AIG1: variants seen among roughly 807,000 people sequenced by gnomAD.
The protein encoded by AIG1 is androgen induced 1.
Under a neutral mutation model 31.4 loss-of-function variants are expected in AIG1, and 23 were observed. The ratio of observed to expected loss-of-function variants is 0.73; its 90% CI spans 0.53 to 1.04. The LOEUF (loss-of-function observed/expected upper bound fraction) is 1.04, where lower values mean the gene tolerates loss of function less well. Ranked by LOEUF, AIG1 falls within the 50% of genes least tolerant of loss-of-function variation. The probability of loss-of-function intolerance (pLI) is 0.00; values close to 1 mark genes in which losing one functional copy is unlikely to be tolerated. For missense variants in AIG1, 274 were observed against 295.0 expected, an observed-to-expected ratio of 0.93 and a Z score of 0.52; for synonymous variants, 100 against 110.5, an observed-to-expected ratio of 0.90 and a Z score of 0.60.
chr6:143,116,151 G>C (rs994635615), intron 1 of AIG1, among the ~76,000 whole-genome samples: 2 of 152,184 alleles, frequency 1.3e-5, no homozygotes, highest in Non-Finnish European at 2.9e-5. Context: ...GTTCCCGTAA[G>C]ACATGCACTG....
chr6:143,291,704 A>AC lies in AIG1; in HGVS notation c.515+7485dup, dbSNP rs1455227633. On this transcript the variant is annotated intron_variant, in intron 4 of 5. Transcript: ENST00000357847. The surrounding 1 kb of genome is among the most constrained non-coding windows in gnomAD (Gnocchi z 4.2). ...TAGAGTGCATGGAATAAATAAGTAAACCCCCCTCCCATTCAGGGTTCCAGC... is the reference window on the plus strand; with the variant it reads ...TAGAGTGCATGGAATAAATAAGTAAACCCCCCCTCCCATTCAGGGTTCCAGC... Among the ~76,000 whole-genome samples the AC allele has an allele frequency of 6.6e-6, 1 of 151,596 alleles. No homozygotes were observed. The highest frequency in any genetic ancestry group is 1.9e-4 in the East Asian group (1 of 5,162).
intron 1 of AIG1, among the ~76,000 whole-genome samples, chr6:143,091,852 G>C (rs1262499950): frequency 6.6e-6 from 1 of 152,092 alleles, no homozygotes; most frequent in African/African-American, 2.4e-5. Flanking sequence ...ATGTACTATT[G>C]CTTCTCTTTG....
intron 1 of AIG1, among the ~76,000 whole-genome samples, chr6:143,134,804 TACA>T (rs1440472298): frequency 1.3e-5 from 2 of 152,134 alleles, no homozygotes; most frequent in Admixed American, 6.6e-5. Context: ...TTTAATAAGT[TACA>T]TGATATTTTC....
At position 143,291,900 on chromosome 6, in the gene AIG1, T is replaced by C. The variant is rs1414687193; in HGVS notation, c.515+7675T>C. 6.6e-6 allele frequency among the ~76,000 whole-genome samples: 1 copy of C among 152,172 alleles called. No individual in the cohort carries two copies. The highest frequency in any genetic ancestry group is 6.5e-5 in the Admixed American group (1 of 15,282). On this transcript the variant is annotated intron_variant, in intron 4 of 5. Coordinates refer to ENST00000357847, the MANE Select transcript of AIG1 (RefSeq NM_016108.4). This position sits in a 1 kb window ranked among gnomAD's most constrained non-coding sequence, Gnocchi z 4.2. ...GGAAGGTTTGGACAGAGACTTGACA[T>C]GAACTGAGACATTTCTAAGGAATCA... is the stretch of plus-strand genomic sequence containing the variant.
chr6:143,243,866 C>G (rs1048476407), intron 3 of AIG1, among the ~76,000 whole-genome samples: 1 of 152,146 alleles, frequency 6.6e-6, no homozygotes, highest in African/African-American at 2.4e-5. Context: ...TACCTCATCT[C>G]CCCTCCTGCT....
intron 3 of AIG1, chr6:143,188,101 G>A (rs987391442): frequency 5.0e-6 from 5 of 1,007,492 alleles, no homozygotes; most frequent in South Asian, 4.2e-5. Flanking sequence ...ATGGAGAGAC[G>A]GGAGTTTAAA....
chr6:143,318,397 C>A (rs1775940004), intron 4 of AIG1, among the ~76,000 whole-genome samples: 1 of 151,950 alleles, frequency 6.6e-6, no homozygotes, highest in Non-Finnish European at 1.5e-5. Context: ...CACTCTATTC[C>A]ACAAATGGTG....
chr6:143,085,013 G>C (rs1013206454), intron 1 of AIG1, among the ~76,000 whole-genome samples: 2 of 152,146 alleles, frequency 1.3e-5, no homozygotes, highest in Non-Finnish European at 2.9e-5. Context: ...TCTCTCATTT[G>C]GGGTTAGTGT....
At chr6:143,290,514 TGGAAAG>T (rs1439865896) in intron 4 of AIG1, among the ~76,000 whole-genome samples, 1 of 152,196 alleles carries the variant, frequency 6.6e-6, no homozygotes, top group Non-Finnish European at 1.5e-5. Flanking sequence ...TGAATGCTCC[TGGAAAG>T]TCATATAACA....
intron 3 of AIG1, among the ~76,000 whole-genome samples, chr6:143,179,382 C>T (rs1217085239): frequency 1.3e-5 from 2 of 152,296 alleles, no homozygotes; most frequent in South Asian, 2.1e-4. Flanking sequence ...TGAAGAGTCT[C>T]TACATAGTTT....
At position 143,105,249 on chromosome 6, in the gene AIG1, C is replaced by T. The variant is rs1018119041; in HGVS notation, c.142-31586C>T. ...TGAGAGAACGTACATTACACCACCA[C>T]GGCCAGATACACTGAAACAGCCTTG... On this transcript the variant is annotated intron_variant, in intron 1 of 5. Transcript: ENST00000357847. 4.7e-4 allele frequency among the ~76,000 whole-genome samples: 72 copies of T among 152,244 alleles called. 1 individual carries two copies. Among genetic ancestry groups the T allele is most frequent in the African/African-American group, 1.6e-3 (66 of 41,536 alleles).
chr6:143,205,246 A>G (rs1430503626), intron 3 of AIG1, among the ~76,000 whole-genome samples: 1 of 152,198 alleles, frequency 6.6e-6, no homozygotes, highest in Admixed American at 6.5e-5. Context: ...GTAGCAAAAC[A>G]TGAAATCTGC....
chr6:143,064,751 TGGA>T (rs982819865), intron 1 of AIG1, among the ~76,000 whole-genome samples: 5 of 152,216 alleles, frequency 3.3e-5, no homozygotes, highest in African/African-American at 7.2e-5. Flanking sequence ...TGAAATTATG[TGGA>T]GGAGACATAC....
chr6:143,337,004 A>T (rs1777540313), intron 5 of AIG1, among the ~76,000 whole-genome samples: 1 of 152,208 alleles, frequency 6.6e-6, no homozygotes, highest in South Asian at 2.1e-4. Flanking sequence ...AGGCTTGAAA[A>T]TAATCCTCTT....
At chr6:143,204,013 T>C (rs533076167) in intron 3 of AIG1, among the ~76,000 whole-genome samples, 3 of 152,252 alleles carry the variant, frequency 2.0e-5, no homozygotes, top group African/African-American at 7.2e-5. Context: ...ATGGTGGGAC[T>C]GAGGGAAAAT....
rs1796323593 is a variant in AIG1, at chr6:143,268,898, G to A, written c.400-15212G>A. Among the ~76,000 whole-genome samples, 1 of 152,172 alleles carries A rather than the reference G, an allele frequency of 6.6e-6. No individual in the cohort carries two copies. Among genetic ancestry groups the A allele is most frequent in the Non-Finnish European group, 1.5e-5 (1 of 68,018 alleles). ...GAACTGCCCTTATGTGAAGACAGCA[G>A]CCTTACTAAGTTCAGACCCCCTTCC... On this transcript the variant is annotated intron_variant, in intron 3 of 5. Transcript: ENST00000357847. This position sits in a 1 kb window ranked among gnomAD's most constrained non-coding sequence, Gnocchi z 5.0.
intron 3 of AIG1, chr6:143,188,884 T>C (rs1789526536): frequency 1.0e-6 from 1 of 985,296 alleles, no homozygotes; most frequent in Non-Finnish European, 1.2e-6. Flanking sequence ...TTTCTGTAAA[T>C]TTAAAGTGTA....
At chr6:143,224,933 C>T (rs949864345) in intron 3 of AIG1, among the ~76,000 whole-genome samples, 19 of 152,202 alleles carry the variant, frequency 1.2e-4, no homozygotes, top group Non-Finnish European at 1.9e-4. Flanking sequence ...AAACCATTCT[C>T]TGCCTCAAGA....
intron 3 of AIG1, among the ~76,000 whole-genome samples, chr6:143,274,140 AG>A (rs1796729032): frequency 6.6e-6 from 1 of 152,170 alleles, no homozygotes; most frequent in South Asian, 2.1e-4. Flanking sequence ...AGACGATTTC[AG>A]GTTCCTTCTC....
Sources: gnomAD v4.1 joint callset for allele counts (sites outside exome capture counted in the v4.1 genomes callset) on GRCh38, gnomAD v4.1.1 for gene constraint, Gnocchi (gnomAD v3.1) non-coding constraint, MANE v1.5 for transcripts, NCBI Gene and HGNC (gene_info 2026-07-23, HGNC 2026-07-21) for gene names.